THSD4: variants seen among roughly 807,000 people sequenced by gnomAD.
THSD4 encodes thrombospondin type-1 domain-containing protein 4.
A neutral mutation model predicts 119.0 loss-of-function variants in THSD4; 69 were observed. The ratio of observed to expected loss-of-function variants is 0.58; its 90% confidence interval spans 0.48 to 0.71. The LOEUF (loss-of-function observed/expected upper bound fraction) is 0.71, where lower values mean the gene tolerates loss of function less well. Among genes scored for constraint, THSD4 ranks in the 30% least tolerant of loss-of-function variants. The probability of loss-of-function intolerance (pLI) is 0.00; values close to 1 mark genes in which losing one functional copy is unlikely to be tolerated. For synonymous variants in THSD4, 524 were observed against 540.4 expected, an observed-to-expected ratio of 0.97 and a Z score of 0.42; for missense variants, 1,393 against 1,391.1, an observed-to-expected ratio of 1.00 and a Z score of -0.02.
rs368586891 is a variant in THSD4, at chr15:71,658,693, G to A, written c.1153-1837G>A. 1.7e-3 allele frequency among the ~76,000 whole-genome samples: 260 copies of A among 152,330 alleles called. 2 individuals carry two copies. The highest frequency in any genetic ancestry group is 5.8e-3 in the African/African-American group (241 of 41,576). On this transcript the variant is annotated intron_variant, in intron 7 of 17. Transcript: ENST00000261862. ...TATTCCTTATTTTTTCTGCTAAAAT[G>A]TGCGTGGGGCAGATTGAGAAGGATT...
intron 6 of THSD4, among the ~76,000 whole-genome samples, chr15:71,307,966 A>G (rs2045054255): frequency 6.6e-6 from 1 of 152,162 alleles, no homozygotes; most frequent in African/African-American, 2.4e-5. Flanking sequence ...GTGATGATAC[A>G]TGCTTCCCCA....
chr15:71,246,476 A>G (rs1445999520), intron 5 of THSD4, among the ~76,000 whole-genome samples: 1 of 152,172 alleles, frequency 6.6e-6, no homozygotes. Context: ...AAGAGACCCA[A>G]CAATTCAGCT....
intron 6 of THSD4, chr15:71,341,842 T>C: frequency 1.5e-6 from 1 of 651,810 alleles, no homozygotes. Flanking sequence ...TTCCACCTAC[T>C]AGGTTTTTAT....
intron 6 of THSD4, among the ~76,000 whole-genome samples, chr15:71,279,567 A>G (rs2044628226): frequency 6.6e-6 from 1 of 152,150 alleles, no homozygotes; most frequent in Non-Finnish European, 1.5e-5. Context: ...TTCTTGTGGC[A>G]TCTCCAGGAG....
intron 7 of THSD4, among the ~76,000 whole-genome samples, chr15:71,530,321 C>A (rs1319586527): frequency 6.6e-6 from 1 of 152,114 alleles, no homozygotes; most frequent in African/African-American, 2.4e-5. Context: ...CAGAACTCCC[C>A]AGTTCAGTAT....
intron 7 of THSD4, among the ~76,000 whole-genome samples, chr15:71,629,747 C>T (rs1165364378): frequency 6.6e-6 from 1 of 152,160 alleles, no homozygotes; most frequent in Non-Finnish European, 1.5e-5. Context: ...TGTTTATTTA[C>T]CTCCCTTGCC....
intron 8 of THSD4, among the ~76,000 whole-genome samples, chr15:71,726,810 G>A (rs2052849249): frequency 6.6e-6 from 1 of 152,072 alleles, no homozygotes. Flanking sequence ...GGTGGTGAAT[G>A]CCTGTAATCT....
chr15:71,232,310 C>A (rs777987637), intron 4 of THSD4, among the ~76,000 whole-genome samples: 27 of 152,228 alleles, frequency 1.8e-4, no homozygotes, highest in Admixed American at 7.8e-4. Context: ...TTGACCCATT[C>A]GTTACAAATG....
rs141632732 is a variant in THSD4, at chr15:71,598,023, T to C, written c.1153-62507T>C. On this transcript the variant is annotated intron_variant, in intron 7 of 17. Transcript: ENST00000261862. ...GATGAATAAGTCATGGTTCAGGCCT[T>C]CAAGGTGCTCCCAGGCTTTCAGGGG... Among the ~76,000 whole-genome samples, 382 of 152,208 alleles carry C rather than the reference T, an allele frequency of 2.5e-3. 2 individuals are homozygous for C. Among genetic ancestry groups the C allele is most frequent in the African/African-American group, 8.8e-3 (366 of 41,538 alleles).
At chr15:71,735,967 TCTCTCTTGCTCTCTGTCTCTGTCC>T (rs1363850909) in intron 10 of THSD4, among the ~76,000 whole-genome samples, 2 of 150,974 alleles carry the variant, frequency 1.3e-5, no homozygotes, top group Non-Finnish European at 3.0e-5. Context: ...TGTCTGTCTC[TCTCTCTTGCTCTCTGTCTCTGTCC>T]CTCTCTGTCT....
At chr15:71,222,970 G>A (rs1311956337) in intron 4 of THSD4, among the ~76,000 whole-genome samples, 1 of 152,070 alleles carries the variant, frequency 6.6e-6, no homozygotes, top group Non-Finnish European at 1.5e-5. Context: ...ACTTTTCCCT[G>A]GTGGGAATAA....
intron 6 of THSD4, among the ~76,000 whole-genome samples, chr15:71,326,658 A>C (rs1456730910): frequency 1.8e-5 from 2 of 111,726 alleles, no homozygotes; most frequent in Non-Finnish European, 3.7e-5. Flanking sequence ...TGGGCAACAG[A>C]GCAAGATTCC....
intron 6 of THSD4, among the ~76,000 whole-genome samples, chr15:71,332,587 A>C (rs2045435506): frequency 6.6e-6 from 1 of 152,148 alleles, no homozygotes; most frequent in Non-Finnish European, 1.5e-5. Context: ...GTTAGACTGC[A>C]GCATGCCTCG....
chr15:71,664,666 G>T (rs2051380729), intron 8 of THSD4, among the ~76,000 whole-genome samples: 1 of 151,978 alleles, frequency 6.6e-6, no homozygotes, highest in Non-Finnish European at 1.5e-5. Flanking sequence ...CCCTCAAGTA[G>T]GCCCTAGTGT....
At chr15:71,427,076 A>G (rs1348719913) in intron 7 of THSD4, among the ~76,000 whole-genome samples, 2 of 152,164 alleles carry the variant, frequency 1.3e-5, no homozygotes, top group East Asian at 3.9e-4. Flanking sequence ...ATTTTGTTAC[A>G]TGTAGTTTAG....
At position 71,781,817 on chromosome 15, in the gene THSD4, A is replaced by T. The variant is rs1029469206; in HGVS notation, c.*4443A>T. ...TTCAAGCATCTGGCTGGGCAACGTG[A>T]TGCTCAGGGCCGTCTCCACTCAGGG... is the stretch of plus-strand genomic sequence containing the variant. On this transcript the variant is annotated 3_prime_UTR_variant, in exon 18 of 18. Transcript: ENST00000261862. 6.6e-6 allele frequency: 1 copy of T among 152,352 alleles called. No individual in the cohort carries two copies. Among genetic ancestry groups the T allele is most frequent in the African/African-American group, 2.4e-5 (1 of 41,458 alleles). 9.4% of individuals were successfully genotyped at this position (152,352 alleles called of 1,614,324 possible). A position where few individuals can be genotyped will look rare whatever the true frequency, so the allele number is the denominator to read the frequency against.
At chr15:71,372,344 G>A (rs1440113001) in intron 6 of THSD4, among the ~76,000 whole-genome samples, 1 of 152,180 alleles carries the variant, frequency 6.6e-6, no homozygotes, top group Non-Finnish European at 1.5e-5. Flanking sequence ...CTTTGGAGGG[G>A]GAGAGGCACT....
intron 6 of THSD4, chr15:71,341,700 A>T (rs747164909): frequency 8.3e-7 from 1 of 1,203,872 alleles, no homozygotes; most frequent in Admixed American, 1.7e-5. Context: ...GGGTCAAGTG[A>T]ATAGCGAACC....
chr15:71,384,146 G>T (rs1366140474), intron 6 of THSD4, among the ~76,000 whole-genome samples: 3 of 152,194 alleles, frequency 2.0e-5, no homozygotes, highest in Admixed American at 6.5e-5. Context: ...TTGGGAGGCC[G>T]AGGCGGGCGG....
Sources: allele counts gnomAD v4.1 joint callset (sites outside exome capture counted in the v4.1 genomes callset), GRCh38; gene constraint gnomAD v4.1.1; transcripts MANE v1.5; gene names NCBI Gene and HGNC (gene_info 2026-07-23, HGNC 2026-07-21).